Variants in RELCH observed in about 807,000 individuals in gnomAD.
RELCH encodes the protein RAB11-binding protein RELCH.
Under a neutral mutation model 150.3 loss-of-function variants are expected in RELCH, and 41 were observed. The observed-to-expected ratio is 0.27, with a 90% CI of 0.21 to 0.35. RELCH has a LOEUF of 0.35. RELCH is among the 10% of genes least tolerant of loss of function. The pLI is 1.00. For synonymous variants in RELCH, 478 were observed against 531.8 expected (o/e 0.90, Z 1.39); for missense variants, 1,092 against 1,467.8 (o/e 0.74, Z 4.18).
intron 1 of RELCH, 71 bp from the exon 2 acceptor site, chr18:62,211,082 T>C (rs997139248): frequency 6.7e-6 from 5 of 750,580 alleles, no homozygotes; most frequent in African/African-American, 3.7e-5. Flanking sequence ...GAAATAATCA[T>C]AAGTATTTGA....
chr18:62,247,744 G>A (rs560680952), intron 11 of RELCH, among the ~76,000 whole-genome samples: 2 of 152,024 alleles, frequency 1.3e-5, no homozygotes, highest in East Asian at 1.9e-4. Context: ...ACAGGGTTTC[G>A]TCTTGTTGCC....
chr18:62,293,714 AAAT>A (rs2045270385), intron 27 of RELCH, among the ~76,000 whole-genome samples: 1 of 152,132 alleles, frequency 6.6e-6, no homozygotes. Flanking sequence ...AAAATTTTTA[AAAT>A]AATAATAATT....
chr18:62,205,048 C>T (rs1305435249), intron 1 of RELCH, among the ~76,000 whole-genome samples: 2 of 152,286 alleles, frequency 1.3e-5, no homozygotes, highest in South Asian at 2.1e-4. Flanking sequence ...CACCTAATTC[C>T]AGTTAACCAT....
At chr18:62,285,005 TG>T (rs1413544273) in intron 25 of RELCH, among the ~76,000 whole-genome samples, 2 of 152,192 alleles carry the variant, frequency 1.3e-5, no homozygotes, top group Non-Finnish European at 2.9e-5. Context: ...CTAAGTTTCT[TG>T]TTTGAGGTCT....
At chr18:62,258,158 T>A in intron 14 of RELCH, 70 bp downstream of exon 14, 1 of 1,300,486 alleles carries the variant, frequency 7.7e-7, no homozygotes, top group Non-Finnish European at 1.1e-6. Context: ...TCCAAATCTC[T>A]GATTTAGATA....
intron 5 of RELCH, among the ~76,000 whole-genome samples, chr18:62,225,514 A>G: frequency 6.6e-6 from 1 of 152,134 alleles, no homozygotes; most frequent in East Asian, 1.9e-4. Context: ...TTTTTAAAAG[A>G]ATGCACAAAA....
At chr18:62,251,232 C>G (rs2042686921) in intron 11 of RELCH, among the ~76,000 whole-genome samples, 1 of 152,208 alleles carries the variant, frequency 6.6e-6, no homozygotes, top group Non-Finnish European at 1.5e-5. Flanking sequence ...GCTTCAGGGT[C>G]TCTTACAAAG....
Position 62,221,537 on chromosome 18 carries a change from A to G in RELCH, c.858+40A>G, listed in dbSNP as rs1219075985. 7.8e-6 allele frequency: 7 copies of G among 893,776 alleles called. No homozygotes were observed. In the African/African-American group the frequency reaches 8.8e-5, roughly 11 times the overall value. The allele number at this position is 893,776 out of a possible 1,614,324, so 55.4% of individuals were successfully genotyped here. On this transcript the variant is annotated intron_variant, in intron 5 of 28. Coordinates refer to ENST00000644646, the MANE Select transcript of RELCH (RefSeq NM_001346231.2). ...TGTTTTTACAGTGATTTTTTTCTAC[A>G]CTTATAATTCACTTTTTCTTTTACG...
intron 21 of RELCH, 142 bp from the exon 22 acceptor site, chr18:62,275,232 C>T: frequency 2.0e-6 from 1 of 498,112 alleles, no homozygotes; most frequent in East Asian, 3.5e-5. Flanking sequence ...TTAGTTGTAA[C>T]CTATGTAACC....
At position 62,264,021 on chromosome 18, in the gene RELCH, C is replaced by A; in HGVS notation, c.2383C>A (p.Gln795Lys). 6.2e-7 allele frequency: 1 copy of A among 1,609,176 alleles called. No homozygotes were observed. Among genetic ancestry groups the A allele is most frequent in the Non-Finnish European group, 8.5e-7 (1 of 1,177,786 alleles). The change falls in exon 17 of 29, where the codon CAA (glutamine) becomes AAA (lysine). Residue 795 changes from glutamine to lysine, a missense_variant. Around this residue, in one of 4 missense-constraint regions of RELCH, gnomAD observed 707 missense variants for 1,025.4 expected, o/e 0.69. Coordinates refer to ENST00000644646, the MANE Select transcript of RELCH (RefSeq NM_001346231.2). The stretch of plus-strand genomic sequence containing the variant: ...GTTTCCTCGGCCTATGTCGCCTCTT[C>A]AAGATGTGTCCACTATTATCGGAAG... ...TRFPRPMSPL[Q>K]DVSTIIGSRE...
intron 19 of RELCH, 176 bp from the exon 20 acceptor site, chr18:62,268,693 C>A: frequency 2.7e-6 from 1 of 364,148 alleles, no homozygotes; most frequent in Non-Finnish European, 5.0e-6. Flanking sequence ...AGTGGCTCTT[C>A]AGGAAACACT....
chr18:62,247,005 T>A (rs965553809), intron 11 of RELCH: 3 of 152,212 alleles, frequency 2.0e-5, no homozygotes, highest in African/African-American at 7.2e-5. Flanking sequence ...ATTATCATCA[T>A]TGTCAAGAGA....
chr18:62,252,469 A>C (rs1287860176), intron 11 of RELCH, among the ~76,000 whole-genome samples, 195 bp from the exon 12 acceptor site: 2 of 152,044 alleles, frequency 1.3e-5, no homozygotes, highest in Non-Finnish European at 2.9e-5. Context: ...CAGTAAGCCA[A>C]GATTATGCCA....
chr18:62,188,032 G>C lies in RELCH; in HGVS notation c.526+1G>C, dbSNP rs1167304987. On this transcript the variant is annotated splice_donor_variant, in intron 1 of 28. Transcript: ENST00000644646. LOFTEE classifies it high-confidence loss of function. ...ACAGCGTCGGGCGGGGGACAGCTCA[G>C]TAAGTGGACGCAGCCTGTCACACTC... 1.3e-6 allele frequency: 2 copies of C among 1,554,802 alleles called. No homozygotes were observed. The highest frequency in any genetic ancestry group is 1.7e-6 in the Non-Finnish European group (2 of 1,150,620).
intron 20 of RELCH, among the ~76,000 whole-genome samples, chr18:62,270,825 T>C (rs1365959277): frequency 6.6e-6 from 1 of 150,682 alleles, no homozygotes; most frequent in Non-Finnish European, 1.5e-5. Flanking sequence ...CCTCGGGGTG[T>C]GATGTTCCCC....
rs199786253 is a variant in RELCH, at chr18:62,275,354, T to G, written c.2868-20T>G. On this transcript the variant is annotated intron_variant, in intron 21 of 28. Transcript: ENST00000644646. Reference sequence around the variant, plus strand: ...ACTGTGGCTCTCAATTTTAACACTGTTTTTTTTTTTTTCTTCTAGTGCAAA... The same window carrying G: ...ACTGTGGCTCTCAATTTTAACACTGGTTTTTTTTTTTTCTTCTAGTGCAAA... 35 of 605,778 alleles carry G rather than the reference T, an allele frequency of 5.8e-5. No individual in the cohort carries two copies. Among genetic ancestry groups the G allele is most frequent in the African/African-American group, 4.8e-4 (22 of 45,560 alleles). The allele number at this position is 605,778 out of a possible 1,614,324, so 37.5% of individuals were successfully genotyped here.
intron 13 of RELCH, 94 bp from the exon 14 acceptor site, chr18:62,257,854 A>G (rs1486261503): frequency 5.2e-6 from 5 of 965,598 alleles, no homozygotes; most frequent in Non-Finnish European, 7.5e-6. Context: ...ATACCTGTTT[A>G]ATCTGGATTT....
At chr18:62,197,285 C>T (rs944584784) in intron 1 of RELCH, among the ~76,000 whole-genome samples, 1 of 152,142 alleles carries the variant, frequency 6.6e-6, no homozygotes, top group Non-Finnish European at 1.5e-5. Context: ...GAAAACCAAC[C>T]TTATTTCTGT....
intron 20 of RELCH, chr18:62,269,288 C>G: frequency 3.2e-6 from 1 of 315,858 alleles, no homozygotes; most frequent in South Asian, 2.7e-5. Flanking sequence ...CTACAAAGCA[C>G]TGTAGAACAC....
Sources: allele counts gnomAD v4.1 joint callset (sites outside exome capture counted in the v4.1 genomes callset), GRCh38; gene constraint gnomAD v4.1.1; regional missense constraint gnomAD v4.1.1; transcripts MANE v1.5; gene names NCBI Gene and HGNC (gene_info 2026-07-23, HGNC 2026-07-21).